Variants in RHBDL3 observed in about 807,000 individuals in gnomAD.
RHBDL3 encodes rhomboid-related protein 3.
RHBDL3 carries 28 observed loss-of-function variants against 48.2 expected under a neutral mutation model. The observed-to-expected ratio is 0.58, with a 90% CI of 0.43 to 0.80. The LOEUF is 0.80. RHBDL3 is among the 30% of genes least tolerant of loss of function. The probability of loss-of-function intolerance (pLI) is 0.00; values close to 1 mark genes in which losing one functional copy is unlikely to be tolerated. For missense variants in RHBDL3, 464 were observed against 542.7 expected (o/e 0.85, Z 1.44); for synonymous variants, 208 against 232.3 (o/e 0.90, Z 0.95).
intron 2 of RHBDL3, among the ~76,000 whole-genome samples, chr17:32,271,169 A>G (rs2150688786): frequency 6.6e-6 from 1 of 152,336 alleles, no homozygotes; most frequent in Middle Eastern, 3.4e-3. Flanking sequence ...TCTCATAAAT[A>G]TGCCCTTTTA....
In RHBDL3 at chr17:32,321,012, C is replaced by T. The variant is rs764586755; in HGVS notation, c.998C>T (p.Pro333Leu). The change falls in exon 9 of 9, where the codon CCC becomes CTC. Residue 333 changes from proline to leucine, a missense_variant. Transcript: ENST00000269051. ...VWLRFHPSAY[P>L]PCPHPSFVAH... ...CTCCGCTTCCACCCGTCGGCCTATCCCCCGTGCCCTCACCCAAGCTTTGTG... is the reference window on the plus strand; with the variant it reads ...CTCCGCTTCCACCCGTCGGCCTATCTCCCGTGCCCTCACCCAAGCTTTGTG... 2 of 1,614,016 alleles carry T rather than the reference C, an allele frequency of 1.2e-6. No individual in the cohort carries two copies. Among genetic ancestry groups the T allele is most frequent in the Non-Finnish European group, 1.7e-6 (2 of 1,180,036 alleles).
intron 6 of RHBDL3, among the ~76,000 whole-genome samples, chr17:32,300,739 C>T (rs1408804842): frequency 6.6e-6 from 1 of 152,178 alleles, no homozygotes. Flanking sequence ...GGATGCTATG[C>T]TCATCACTGC....
intron 2 of RHBDL3, among the ~76,000 whole-genome samples, chr17:32,283,872 T>C (rs889874350): frequency 2.0e-5 from 3 of 151,388 alleles, no homozygotes; most frequent in African/African-American, 7.3e-5. Context: ...GAACAGAGGG[T>C]TCCGTGAGAA....
chr17:32,299,157 G>A (rs1419348268), intron 6 of RHBDL3, among the ~76,000 whole-genome samples: 1 of 151,524 alleles, frequency 6.6e-6, no homozygotes, highest in African/African-American at 2.4e-5. Context: ...CTTTCTGAGT[G>A]GTATTAAAGT....
chr17:32,286,880 C>T (rs1206195328), intron 3 of RHBDL3, among the ~76,000 whole-genome samples: 1 of 152,178 alleles, frequency 6.6e-6, no homozygotes, highest in African/African-American at 2.4e-5. Context: ...GGCATGGGTG[C>T]ACCCATCCAG....
At chr17:32,301,027 C>T (rs1470528527) in intron 6 of RHBDL3, among the ~76,000 whole-genome samples, 1 of 152,106 alleles carries the variant, frequency 6.6e-6, no homozygotes, top group Non-Finnish European at 1.5e-5. Context: ...TTGCAGGTGC[C>T]CACCACCGCG....
chr17:32,307,201 TCTTA>T (rs2040730763), intron 7 of RHBDL3, among the ~76,000 whole-genome samples: 2 of 152,002 alleles, frequency 1.3e-5, no homozygotes, highest in African/African-American at 4.8e-5. Flanking sequence ...AGCCTCCGGG[TCTTA>T]CTTGTCTATT....
At position 32,305,438 on chromosome 17, in the gene RHBDL3, C is replaced by T. The variant is rs762984410; in HGVS notation, c.879C>T (p.Val293=). ...ALVSAHLANI[V]MNWSGMKCQF... is the part of the protein sequence containing the mutation. ...TCTCTGCCCATCTGGCCAACATTGT[C>T]ATGGTGAGCACCTCCCGTTCTCAAT... is the stretch of plus-strand genomic sequence containing the variant. Residue 293 remains valine (V), a synonymous_variant, in exon 7 of 9, where the codon GTC becomes GTT. Coordinates refer to ENST00000269051, the MANE Select transcript of RHBDL3 (RefSeq NM_138328.3). The T allele has an allele frequency of 2.3e-5, 36 of 1,597,648 alleles. No homozygotes were observed. Among genetic ancestry groups the T allele is most frequent in the Non-Finnish European group, 2.8e-5 (33 of 1,165,070 alleles).
chr17:32,267,369 C>A (rs2039659610), intron 1 of RHBDL3, among the ~76,000 whole-genome samples: 1 of 139,428 alleles, frequency 7.2e-6, no homozygotes, highest in Admixed American at 7.0e-5. Flanking sequence ...AAACAAAAAA[C>A]GAACAAACAA....
At chr17:32,294,251 G>T in intron 4 of RHBDL3, 43 bp from the exon 5 acceptor site, 1 of 1,584,644 alleles carries the variant, frequency 6.3e-7, no homozygotes, top group South Asian at 1.2e-5. Flanking sequence ...GAAGTTTCCT[G>T]GGCAGTGTGC....
At chr17:32,313,215 G>C (rs896861588) in intron 7 of RHBDL3, among the ~76,000 whole-genome samples, 1 of 152,138 alleles carries the variant, frequency 6.6e-6, no homozygotes, top group Non-Finnish European at 1.5e-5. Context: ...ATTTAGCCAG[G>C]TGTGGTGGCA....
At chr17:32,279,058 T>A (rs965332256) in intron 2 of RHBDL3, among the ~76,000 whole-genome samples, 1 of 151,874 alleles carries the variant, frequency 6.6e-6, no homozygotes, top group South Asian at 2.1e-4. Flanking sequence ...ATCCCAAGAA[T>A]TCAAGGTTAT....
chr17:32,289,974 A>G (rs763646991), intron 4 of RHBDL3, among the ~76,000 whole-genome samples: 1 of 152,230 alleles, frequency 6.6e-6, no homozygotes. Context: ...ATCCAAGTAC[A>G]TGTTGAAGTT....
chr17:32,294,482 C>G (rs1344163274), intron 5 of RHBDL3, 40 bp downstream of exon 5: 6 of 1,568,954 alleles, frequency 3.8e-6, no homozygotes, highest in Non-Finnish European at 5.2e-6. Context: ...AAAGACCCTA[C>G]AGAAAAATAA....
chr17:32,295,039 T>A (rs1250479161), intron 5 of RHBDL3, among the ~76,000 whole-genome samples: 7 of 152,206 alleles, frequency 4.6e-5, no homozygotes, highest in Admixed American at 3.9e-4. Flanking sequence ...GTCTGGAGGC[T>A]TTTATATGGT....
chr17:32,303,202 C>T (rs922982507), intron 6 of RHBDL3, among the ~76,000 whole-genome samples: 4 of 152,286 alleles, frequency 2.6e-5, no homozygotes, highest in East Asian at 1.9e-4. Flanking sequence ...TGCCCTGGGG[C>T]GGCTCTGCCT....
At chr17:32,299,511 G>A (rs1222022168) in intron 6 of RHBDL3, among the ~76,000 whole-genome samples, 2 of 152,150 alleles carry the variant, frequency 1.3e-5, no homozygotes, top group Non-Finnish European at 2.9e-5. Flanking sequence ...TGACATCTGA[G>A]GATTGATAGC....
intron 6 of RHBDL3, 37 bp from the exon 7 acceptor site, chr17:32,305,304 C>T (rs759466340): frequency 1.9e-5 from 28 of 1,463,172 alleles, no homozygotes; most frequent in Admixed American, 3.3e-5. Flanking sequence ...AGCCGAGTCC[C>T]GCACTCCTGA....
At chr17:32,302,551 ATTT>A (rs35980086) in intron 6 of RHBDL3, among the ~76,000 whole-genome samples, 100 of 41,560 alleles carry the variant, frequency 2.4e-3, no homozygotes, top group Admixed American at 4.5e-3. Context: ...ATATATATAT[ATTT>A]TTTTTTAGTA....
Sources: allele counts gnomAD v4.1 joint callset (sites outside exome capture counted in the v4.1 genomes callset), GRCh38; gene constraint gnomAD v4.1.1; transcripts MANE v1.5; gene names NCBI Gene and HGNC (gene_info 2026-07-23, HGNC 2026-07-21).